MYT1L: variants seen among roughly 807,000 people sequenced by gnomAD.
The protein encoded by MYT1L is myelin transcription factor 1 like, also known as myelin transcription factor 1-like protein.
In MYT1L, 12 loss-of-function variants were observed where a neutral mutation model predicts 126.7. The observed-to-expected ratio is 0.09, with a 90% confidence interval of 0.06 to 0.15. MYT1L has a LOEUF of 0.15. Among genes scored for constraint, MYT1L ranks in the 10% least tolerant of loss-of-function variants. MYT1L has a pLI of 1.00. For missense variants in MYT1L, 979 were observed against 1,585.2 expected, an observed-to-expected ratio of 0.62 and a Z score of 6.49; for synonymous variants, 541 against 604.2, an observed-to-expected ratio of 0.90 and a Z score of 1.53.
chr2:2,272,450 A>G (rs2095282431), intron 2 of MYT1L, among the ~76,000 whole-genome samples: 1 of 152,024 alleles, frequency 6.6e-6, no homozygotes, highest in Non-Finnish European at 1.5e-5. Flanking sequence ...TCTCCATCTC[A>G]TTTCTTTGCT....
rs991085468 is a variant in MYT1L, at chr2:1,817,714, G to A, written c.3081-8547C>T. 1.1e-4 allele frequency among the ~76,000 whole-genome samples: 16 copies of A among 152,310 alleles called. No individual in the cohort carries two copies. The East Asian group carries it at 2.5e-3, about 24-fold the overall frequency. On this transcript the variant is annotated intron_variant, in intron 21 of 24. Transcript: ENST00000647738. ...TGCCATCTAGCGGTGGCCTGGGGGCGGTGCTGGTCCCGGGCTCTCGGGAAA... is the reference window on the plus strand; with the variant it reads ...TGCCATCTAGCGGTGGCCTGGGGGCAGTGCTGGTCCCGGGCTCTCGGGAAA...
At chr2:1,803,553 C>G (rs1406907246) in intron 22 of MYT1L, among the ~76,000 whole-genome samples, 1 of 152,170 alleles carries the variant, frequency 6.6e-6, no homozygotes, top group African/African-American at 2.4e-5. Flanking sequence ...ATTTTAAATC[C>G]AAATAAAAGT....
chr2:2,053,147 G>C (rs2069043423), intron 4 of MYT1L, among the ~76,000 whole-genome samples: 2 of 152,310 alleles, frequency 1.3e-5, no homozygotes, highest in South Asian at 4.1e-4. Context: ...CTAAGTGAAA[G>C]AGAGCAGTCA....
intron 1 of MYT1L, among the ~76,000 whole-genome samples, chr2:2,289,028 C>T (rs542671808): frequency 1.3e-5 from 2 of 152,336 alleles, no homozygotes; most frequent in Admixed American, 1.3e-4. Flanking sequence ...TTCCTGCAGG[C>T]TTCTGCAGCT....
intron 2 of MYT1L, among the ~76,000 whole-genome samples, chr2:2,188,544 A>G (rs17039363): frequency 0.041 from 6,297 of 152,298 alleles, 455 homozygotes; most frequent in African/African-American, 0.14. Context: ...GGCCTAGAAA[A>G]TAAGTCCTGA....
At chr2:2,068,834 G>A (rs1171948862) in intron 3 of MYT1L, among the ~76,000 whole-genome samples, 3 of 130,008 alleles carry the variant, frequency 2.3e-5, no homozygotes, top group Non-Finnish European at 3.1e-5. Flanking sequence ...AGGAAAAAGA[G>A]AGAAAGGGAG....
chr2:2,027,026 G>A (rs1044318302), intron 4 of MYT1L, among the ~76,000 whole-genome samples: 1 of 152,148 alleles, frequency 6.6e-6, no homozygotes. Flanking sequence ...GGGGCACATC[G>A]GATCGCTCCA....
intron 14 of MYT1L, among the ~76,000 whole-genome samples, chr2:1,892,631 G>A (rs975938538): frequency 6.6e-6 from 1 of 151,822 alleles, no homozygotes; most frequent in Non-Finnish European, 1.5e-5. Context: ...TAGCTTTTAG[G>A]AGCCGCAGGG....
intron 9 of MYT1L, among the ~76,000 whole-genome samples, chr2:1,942,425 C>A (rs1235917006): frequency 1.3e-5 from 2 of 152,158 alleles, no homozygotes; most frequent in Admixed American, 1.3e-4. Flanking sequence ...AAGCAGATGA[C>A]CGGCTGATTA....
At chr2:2,135,218 T>TAGGGTTAG (rs1430837705) in intron 3 of MYT1L, among the ~76,000 whole-genome samples, 2 of 152,148 alleles carry the variant, frequency 1.3e-5, no homozygotes, top group Non-Finnish European at 2.9e-5. Context: ...GGAGGGTAAT[T>TAGGGTTAG]GAATCATGGA....
chr2:2,013,083 G>A (rs766216300), intron 4 of MYT1L, among the ~76,000 whole-genome samples: 11 of 152,172 alleles, frequency 7.2e-5, no homozygotes, highest in East Asian at 1.9e-4. Flanking sequence ...GAGAACACGC[G>A]ATTCTAGAAC....
rs76879104 is a variant in MYT1L, at chr2:2,281,601, T to G, written c.-421+2803A>C. On this transcript the variant is annotated intron_variant, in intron 2 of 24. Transcript: ENST00000647738. ...ATATTAATGATCCAATTACCTTGAA[T>G]GGCGTGAACTTAACTTGTGTATTTA... Among the ~76,000 whole-genome samples, 165 of 152,270 alleles carry G rather than the reference T, an allele frequency of 1.1e-3. 7 individuals are homozygous for G. In the East Asian group the frequency reaches 0.03, roughly 28 times the overall value.
intron 9 of MYT1L, among the ~76,000 whole-genome samples, chr2:1,936,931 C>CCCTG (rs1213400733): frequency 6.6e-6 from 1 of 152,120 alleles, no homozygotes; most frequent in Non-Finnish European, 1.5e-5. Flanking sequence ...AGAAAACACA[C>CCCTG]CCTGGGAACT....
intron 9 of MYT1L, among the ~76,000 whole-genome samples, chr2:1,938,806 A>C (rs553010773): frequency 6.6e-6 from 1 of 152,348 alleles, no homozygotes; most frequent in East Asian, 1.9e-4. Flanking sequence ...TTACATTATT[A>C]GGACTATTTT....
At chr2:1,903,351 C>T (rs1170060661) in intron 13 of MYT1L, 57 bp from the exon 14 acceptor site, 21 of 1,378,058 alleles carry the variant, frequency 1.5e-5, no homozygotes, top group South Asian at 2.5e-5. Context: ...TTGTACACGA[C>T]GAGCTTCACA....
At chr2:2,193,688 C>T (rs775610318) in intron 2 of MYT1L, among the ~76,000 whole-genome samples, 4 of 152,290 alleles carry the variant, frequency 2.6e-5, no homozygotes, top group Admixed American at 6.5e-5. Flanking sequence ...ACTGAGCAGT[C>T]GTCTGCTGCC....
At chr2:2,044,770 T>C (rs1205073526) in intron 4 of MYT1L, among the ~76,000 whole-genome samples, 11 of 152,314 alleles carry the variant, frequency 7.2e-5, no homozygotes, top group Admixed American at 2.0e-4. Flanking sequence ...TTAAAAGCGA[T>C]TGGTGTCTGT....
chr2:1,892,089 C>T lies in MYT1L; in HGVS notation c.2231G>A (p.Arg744His), dbSNP rs1024589526. ...TAILNLSTRCREMPQNLSTKP... is the reference protein window; with the variant it reads ...TAILNLSTRCHEMPQNLSTKP... ...GGTGCTCAGGTTCTGCGGCATCTCGCGGCAGCGCGTGGACAGGTTGAGGAT... is the reference window on the plus strand; with the variant it reads ...GGTGCTCAGGTTCTGCGGCATCTCGTGGCAGCGCGTGGACAGGTTGAGGAT... Residue 744 changes from arginine to histidine, a missense_variant, in exon 15 of 25, where the codon CGC becomes CAC. Arg to His is a conservative substitution (Grantham distance 29). Coordinates refer to ENST00000647738, the MANE Select transcript of MYT1L (RefSeq NM_001303052.2). 6.5e-7 allele frequency: 1 copy of T among 1,543,166 alleles called. No homozygotes were observed. The highest frequency in any genetic ancestry group is 1.4e-5 in the African/African-American group (1 of 73,148).
intron 21 of MYT1L, among the ~76,000 whole-genome samples, chr2:1,837,167 A>AAAGC (rs2148353568): frequency 6.6e-6 from 1 of 152,248 alleles, no homozygotes; most frequent in Admixed American, 6.5e-5. Context: ...ATGCAACCAG[A>AAAGC]GGCTGGGGAG....
Sources: gnomAD v4.1 joint callset for allele counts (sites outside exome capture counted in the v4.1 genomes callset) on GRCh38, gnomAD v4.1.1 for gene constraint, MANE v1.5 for transcripts, NCBI Gene and HGNC (gene_info 2026-07-23, HGNC 2026-07-21) for gene names.